ASCC3: variants seen among roughly 807,000 people sequenced by gnomAD.
ASCC3 encodes ASC-1 complex subunit P200.
In ASCC3, 158 loss-of-function variants were observed where a neutral mutation model predicts 256.3. The observed-to-expected ratio is 0.62, with a 90% CI of 0.54 to 0.70. ASCC3 has a LOEUF of 0.70. Among genes scored for constraint, ASCC3 ranks in the 30% least tolerant of loss-of-function variants. The pLI is 0.00. For synonymous variants in ASCC3, 948 were observed against 883.4 expected (o/e 1.07, Z -1.30); for missense variants, 2,259 against 2,626.0 (o/e 0.86, Z 3.05).
At chr6:100,805,613 T>C in intron 5 of ASCC3, 147 bp downstream of exon 5, 1 of 1,011,676 alleles carries the variant, frequency 9.9e-7, no homozygotes, top group Non-Finnish European at 1.4e-6. Context: ...TTTCATAATA[T>C]GCCATATCTA....
chr6:100,552,816 C>A (rs1480033932), intron 36 of ASCC3, among the ~76,000 whole-genome samples: 1 of 151,324 alleles, frequency 6.6e-6, no homozygotes, highest in Non-Finnish European at 1.5e-5. Context: ...GTGCTATGAA[C>A]CACAAGAAAA....
intron 37 of ASCC3, among the ~76,000 whole-genome samples, chr6:100,533,726 A>G (rs1048924991): frequency 1.3e-5 from 2 of 152,248 alleles, no homozygotes; most frequent in Admixed American, 6.5e-5. Flanking sequence ...TACCATATAT[A>G]GGAAGTAGTG....
At chr6:100,838,080 A>T (rs1771964306) in intron 4 of ASCC3, among the ~76,000 whole-genome samples, 1 of 152,126 alleles carries the variant, frequency 6.6e-6, no homozygotes, top group Non-Finnish European at 1.5e-5. Context: ...AAAAGTTTTT[A>T]AAAATTAAAG....
At chr6:100,750,700 T>C (rs1158074614) in intron 10 of ASCC3, among the ~76,000 whole-genome samples, 1 of 152,024 alleles carries the variant, frequency 6.6e-6, no homozygotes, top group Non-Finnish European at 1.5e-5. Flanking sequence ...TGGCACTGAA[T>C]ACCTAGCAAT....
At position 100,601,316 on chromosome 6, in the gene ASCC3, T is replaced by A. The variant is rs114282684; in HGVS notation, c.5303+494A>T. ...CTCATTTTTACATCTCAGTGTTTAG[T>A]TTACCATCTGAAAAACAGTAAGTGC... On this transcript the variant is annotated intron_variant, in intron 34 of 41. Transcript: ENST00000369162. Among the ~76,000 whole-genome samples, 1,013 of 152,234 alleles carry A rather than the reference T, an allele frequency of 6.7e-3. 4 individuals are homozygous for A. The highest frequency in any genetic ancestry group is 0.022 in the African/African-American group (927 of 41,544).
At chr6:100,602,405 T>C (rs181452115) in intron 33 of ASCC3, among the ~76,000 whole-genome samples, 1 of 152,146 alleles carries the variant, frequency 6.6e-6, no homozygotes, top group Admixed American at 6.6e-5. Flanking sequence ...ATGGCACTTA[T>C]CACTACCAAT....
chr6:100,596,403 T>C (rs560189235), intron 34 of ASCC3, among the ~76,000 whole-genome samples: 1 of 152,294 alleles, frequency 6.6e-6, no homozygotes, highest in African/African-American at 2.4e-5. Context: ...TGTGTTAAAG[T>C]CTCCTAACAT....
intron 11 of ASCC3, among the ~76,000 whole-genome samples, chr6:100,723,639 C>T (rs887260957): frequency 6.0e-5 from 9 of 150,806 alleles, no homozygotes; most frequent in Non-Finnish European, 1.0e-4. Flanking sequence ...GAATTGATAT[C>T]TAATTAGATA....
rs113465079 is a variant in ASCC3 at position 100,712,559 on chromosome 6, A to G, written c.2151+2903T>C. Among the ~76,000 whole-genome samples, 237 of 152,254 alleles carry G rather than the reference A, an allele frequency of 1.6e-3. 2 individuals carry two copies. The Middle Eastern group carries it at 0.024, about 15-fold the overall frequency. On this transcript the variant is annotated intron_variant, in intron 13 of 41. Transcript: ENST00000369162. The stretch of plus-strand genomic sequence containing the variant: ...AGAAAAATACAACTTAAAACAAGAT[A>G]CCATTACACACCTTTTAGAATGGCC...
rs1397503460 is a variant in ASCC3, at chr6:100,868,020, T to C, written c.-23A>G. On this transcript the variant is annotated 5_prime_UTR_variant, in exon 2 of 42. It removes an upstream start codon present in the reference 5' UTR. Coordinates refer to ENST00000369162, the MANE Select transcript of ASCC3 (RefSeq NM_006828.4). ...CATCTATTATTCAATCAGTGATCCA[T>C]ACAGCAAGAAACCTGAAACTGAAAC... 6 of 1,561,564 alleles carry C rather than the reference T, an allele frequency of 3.8e-6. No individual in the cohort carries two copies. Among genetic ancestry groups the C allele is most frequent in the Non-Finnish European group, 4.4e-6 (5 of 1,132,894 alleles).
At chr6:100,628,331 C>G (rs1774355460) in intron 27 of ASCC3, among the ~76,000 whole-genome samples, 1 of 152,078 alleles carries the variant, frequency 6.6e-6, no homozygotes, top group Admixed American at 6.6e-5. Context: ...TTTGTCAGAT[C>G]AATTGTACAG....
intron 16 of ASCC3, among the ~76,000 whole-genome samples, chr6:100,658,912 T>C (rs1456679376): frequency 1.3e-5 from 2 of 151,528 alleles, no homozygotes; most frequent in Non-Finnish European, 3.0e-5. Flanking sequence ...GAGTATGTAC[T>C]CAGTAATGTC....
intron 4 of ASCC3, among the ~76,000 whole-genome samples, chr6:100,838,939 T>C (rs1335993852): frequency 2.0e-5 from 3 of 152,144 alleles, no homozygotes; most frequent in African/African-American, 7.2e-5. Flanking sequence ...CAGCAATTTC[T>C]AAATCTAATA....
rs374393147 is a variant in ASCC3 at position 100,646,706 on chromosome 6, G to C, written c.3542C>G (p.Ser1181Cys). 1.5e-5 allele frequency: 24 copies of C among 1,613,718 alleles called. No homozygotes were observed. Among genetic ancestry groups the C allele is most frequent in the Non-Finnish European group, 2.0e-5 (24 of 1,179,786 alleles). Residue 1181 changes from serine to cysteine, a missense_variant, in exon 22 of 42, where the codon TCT becomes TGT. Physicochemically the swap from Ser to Cys is moderately radical, Grantham distance 112 (BLOSUM62 -1). Around this residue, in one of 2 missense-constraint regions of ASCC3, gnomAD observed 1,839 missense variants for 2,206.7 expected, o/e 0.83. Transcript: ENST00000369162. Reference sequence around the variant, plus strand: ...CTGAATGGATGCTTCCATCATAACAGAAGGAATCTGATGAACACATTGTTT... The same window carrying C: ...CTGAATGGATGCTTCCATCATAACACAAGGAATCTGATGAACACATTGTTT... ...KVKQCVHQIP[S>C]VMMEASIQPI...
At chr6:100,571,707 G>T (rs1186897017) in intron 36 of ASCC3, among the ~76,000 whole-genome samples, 1 of 152,190 alleles carries the variant, frequency 6.6e-6, no homozygotes, top group East Asian at 1.9e-4. Flanking sequence ...CTAGAAAGTG[G>T]CAGAGATAGT....
intron 30 of ASCC3, among the ~76,000 whole-genome samples, chr6:100,608,108 GTATATATATCT>G (rs1773036545): frequency 8.6e-6 from 1 of 115,768 alleles, no homozygotes; most frequent in African/African-American, 3.4e-5. Flanking sequence ...ACATATATAT[GTATATATATCT>G]ATATATACAT....
intron 14 of ASCC3, among the ~76,000 whole-genome samples, chr6:100,668,310 T>C (rs1002624087): frequency 6.6e-6 from 1 of 152,044 alleles, no homozygotes; most frequent in Admixed American, 6.6e-5. Context: ...AGAAATATAC[T>C]ACAGTTTAAA....
chr6:100,735,543 C>A (rs1318995781), intron 10 of ASCC3, among the ~76,000 whole-genome samples: 2 of 151,800 alleles, frequency 1.3e-5, no homozygotes, highest in African/African-American at 4.8e-5. Flanking sequence ...ATAAATTCTC[C>A]TTTTAATAGA....
chr6:100,815,743 C>T (rs1770712893), intron 4 of ASCC3, among the ~76,000 whole-genome samples: 1 of 152,062 alleles, frequency 6.6e-6, no homozygotes. Flanking sequence ...AAGATTGAAT[C>T]TTCCTTACAC....
Sources: gnomAD v4.1 joint callset for allele counts (sites outside exome capture counted in the v4.1 genomes callset) on GRCh38, gnomAD v4.1.1 for gene constraint, gnomAD v4.1.1 regional missense constraint, MANE v1.5 for transcripts, NCBI Gene and HGNC (gene_info 2026-07-23, HGNC 2026-07-21) for gene names.